The following KLHL13 variants were observed in gnomAD, a reference collection of about 807,000 sequenced individuals.
KLHL13 encodes the protein kelch-like protein 13.
KLHL13 carries 10 observed loss-of-function variants against 37.1 expected under a neutral mutation model. The observed-to-expected ratio is 0.27, with a 90% CI of 0.17 to 0.46. KLHL13 has a LOEUF of 0.46. Among genes scored for constraint, KLHL13 ranks in the 20% least tolerant of loss-of-function variants. The pLI is 1.00. For synonymous variants in KLHL13, 163 were observed against 181.2 expected, an observed-to-expected ratio of 0.90 and a Z score of 0.81; for missense variants, 360 against 509.3, an observed-to-expected ratio of 0.71 and a Z score of 2.82.
chrX:117,914,462 A>C (rs1219036936), intron 4 of KLHL13: 1 of 111,385 alleles, frequency 9.0e-6, no homozygotes, highest in Admixed American at 9.6e-5. Context: ...CTAGTTTATT[A>C]AAATGACAGC....
upstream of KLHL13, among the ~76,000 whole-genome samples, chrX:117,978,556 A>C (rs1336525438): frequency 9.0e-6 from 1 of 111,177 alleles, no homozygotes; most frequent in Non-Finnish European, 1.9e-5. Flanking sequence ...GTTGGGTGTC[A>C]GATGAAAGAG....
chrX:117,924,508 G>C (rs1166773467), intron 2 of KLHL13, among the ~76,000 whole-genome samples: 2 of 111,914 alleles, frequency 1.8e-5, no homozygotes, highest in East Asian at 5.6e-4. Flanking sequence ...CACCAAACTT[G>C]TACTCACTCT....
intron 1 of KLHL13, among the ~76,000 whole-genome samples, chrX:118,100,405 A>G (rs1408909002): frequency 8.9e-6 from 1 of 111,808 alleles, no homozygotes; most frequent in Non-Finnish European, 1.9e-5. Context: ...TACTAATACT[A>G]TAAGCTTGCT....
chrX:118,081,428 A>G (rs1332283731), intron 1 of KLHL13, among the ~76,000 whole-genome samples: 1 of 111,058 alleles, frequency 9.0e-6, no homozygotes, highest in African/African-American at 3.3e-5. Flanking sequence ...TACAAATACC[A>G]TTTGTTACAG....
chrX:118,004,412 A>G lies in KLHL13; in HGVS notation c.-55-58837T>C, dbSNP rs745644074. The stretch of plus-strand genomic sequence containing the variant: ...TGATTATCCACTAAAAGGAACCATG[A>G]TGCCTGATTCCAGAGCTAATGCAGA... On this transcript the variant is annotated intron_variant, in intron 1 of 6. Transcript: ENST00000371882. Among the ~76,000 whole-genome samples the G allele has an allele frequency of 1.6e-3, 183 of 111,956 alleles. 1 individual carries two copies. Among genetic ancestry groups the G allele is most frequent in the African/African-American group, 5.7e-3 (175 of 30,857 alleles).
chrX:118,108,950 G>A (rs1327094965), intron 1 of KLHL13, among the ~76,000 whole-genome samples: 1 of 111,555 alleles, frequency 9.0e-6, no homozygotes, highest in Non-Finnish European at 1.9e-5. Context: ...GAGACTATAG[G>A]CGTGTGCCTC....
intron 1 of KLHL13, among the ~76,000 whole-genome samples, chrX:117,949,207 C>G (rs1360339570): frequency 8.9e-6 from 1 of 112,359 alleles, no homozygotes; most frequent in Non-Finnish European, 1.9e-5. Flanking sequence ...AAGATATACT[C>G]TCAAAATTGC....
At chrX:118,092,043 C>G (rs890261636) in intron 1 of KLHL13, among the ~76,000 whole-genome samples, 4 of 111,508 alleles carry the variant, frequency 3.6e-5, no homozygotes, top group Admixed American at 9.5e-5. Flanking sequence ...ATACATTAGA[C>G]TTTGGACACT....
intron 1 of KLHL13, among the ~76,000 whole-genome samples, chrX:118,049,360 A>G (rs2148069660): frequency 8.9e-6 from 1 of 112,375 alleles, no homozygotes; most frequent in South Asian, 3.7e-4. Flanking sequence ...ATTAAATTAT[A>G]TATAGCAGCA....
chrX:118,000,561 ATT>A (rs201302463), intron 1 of KLHL13, among the ~76,000 whole-genome samples: 76 of 111,764 alleles, frequency 6.8e-4, no homozygotes, highest in Non-Finnish European at 1.1e-3. Flanking sequence ...TTTCAAAAAC[ATT>A]TTGGGGTCCT....
chrX:117,979,133 C>G (rs762751254), intron 1 of KLHL13, among the ~76,000 whole-genome samples: 3 of 110,939 alleles, frequency 2.7e-5, no homozygotes, highest in African/African-American at 9.8e-5. Context: ...GTTTTTACCA[C>G]GTTGGCCAGG....
intron 1 of KLHL13, among the ~76,000 whole-genome samples, chrX:118,031,470 G>GAT (rs1191932439): frequency 5.8e-4 from 50 of 86,020 alleles, no homozygotes; most frequent in African/African-American, 2.5e-3. Flanking sequence ...TATATATTTA[G>GAT]ATATATATAT....
At chrX:118,056,369 G>C (rs1379325419) in intron 1 of KLHL13, among the ~76,000 whole-genome samples, 1 of 111,251 alleles carries the variant, frequency 9.0e-6, no homozygotes. Flanking sequence ...ATATTGTTAA[G>C]ATGGTAATAC....
At chrX:118,081,607 A>G (rs1163451244) in intron 1 of KLHL13, among the ~76,000 whole-genome samples, 6 of 111,749 alleles carry the variant, frequency 5.4e-5, no homozygotes, top group African/African-American at 1.9e-4. Context: ...GAACATTTCA[A>G]GTCTTCTAGC....
chrX:117,982,860 C>T (rs1265971068), intron 1 of KLHL13, among the ~76,000 whole-genome samples: 1 of 111,630 alleles, frequency 9.0e-6, no homozygotes, highest in Non-Finnish European at 1.9e-5. Flanking sequence ...ACTGGCTGCT[C>T]AACACCAGTT....
chrX:117,942,516 A>T (rs906519878), intron 2 of KLHL13, among the ~76,000 whole-genome samples: 4 of 111,537 alleles, frequency 3.6e-5, no homozygotes, highest in African/African-American at 1.3e-4. Flanking sequence ...GTGCTCCTGT[A>T]GTGGGTGCAT....
chrX:117,916,853 CTTA>C (rs1286659319), intron 4 of KLHL13, among the ~76,000 whole-genome samples: 2 of 111,831 alleles, frequency 1.8e-5, no homozygotes, highest in Non-Finnish European at 3.8e-5. Context: ...TCTAAAACAT[CTTA>C]TTTCAGCACA....
chrX:118,102,851 A>G (rs923527982), intron 1 of KLHL13, among the ~76,000 whole-genome samples: 4 of 111,197 alleles, frequency 3.6e-5, no homozygotes, highest in Non-Finnish European at 1.9e-5. Context: ...GTAATAGTTT[A>G]TGAGTATAAT....
intron 1 of KLHL13, among the ~76,000 whole-genome samples, chrX:118,061,063 G>A (rs1037178793): frequency 2.7e-5 from 3 of 111,384 alleles, no homozygotes; most frequent in Non-Finnish European, 5.7e-5. Context: ...TCAACATCTA[G>A]GTTTCAGGAG....
Sources: gnomAD v4.1 joint callset for allele counts (sites outside exome capture counted in the v4.1 genomes callset) on GRCh38, gnomAD v4.1.1 for gene constraint, MANE v1.5 for transcripts, NCBI Gene and HGNC (gene_info 2026-07-23, HGNC 2026-07-21) for gene names.